Variants in GRWD1 observed in about 807,000 individuals in gnomAD.
GRWD1 encodes the protein glutamate rich WD repeat containing 1.
A neutral mutation model predicts 45.3 loss-of-function variants in GRWD1; 29 were observed. The observed-to-expected ratio is 0.64, with a 90% confidence interval of 0.48 to 0.87. The LOEUF is 0.87. Among genes scored for constraint, GRWD1 ranks in the 40% least tolerant of loss-of-function variants. The pLI, the probability that GRWD1 is intolerant of heterozygous loss-of-function variation, is 0.00. For synonymous variants in GRWD1, 262 were observed against 257.6 expected (o/e 1.02, Z -0.16); for missense variants, 592 against 618.8 (o/e 0.96, Z 0.46).
chr19:48,450,465 C>T lies in GRWD1; in HGVS notation c.621C>T (p.Ile207=). The part of the protein sequence containing the change: ...LRDEQAQMKP[I]FSFAGHMGEG... ...ATGAGCAGGCCCAAATGAAGCCCAT[C>T]TTCTCCTTCGCTGGACACATGGGCG... Residue 207 remains isoleucine (I), a synonymous_variant, in exon 4 of 7, where the codon ATC becomes ATT. Coordinates refer to ENST00000253237, the MANE Select transcript of GRWD1 (RefSeq NM_031485.4). The surrounding 1 kb of genome is among the most constrained non-coding windows in gnomAD (Gnocchi z 5.1). 1.9e-6 allele frequency: 3 copies of T among 1,614,200 alleles called. No individual in the cohort carries two copies. Among genetic ancestry groups the T allele is most frequent in the South Asian group, 2.2e-5 (2 of 91,088 alleles).
chr19:48,447,286 G>A (rs1392088583), intron 3 of GRWD1, among the ~76,000 whole-genome samples: 4 of 151,450 alleles, frequency 2.6e-5, no homozygotes, highest in Non-Finnish European at 4.4e-5. Context: ...TTGCTCTGTC[G>A]CTTAGACTGG....
chr19:48,448,672 C>A (rs1293452531), intron 3 of GRWD1, among the ~76,000 whole-genome samples: 1 of 152,124 alleles, frequency 6.6e-6, no homozygotes, highest in Non-Finnish European at 1.5e-5. Flanking sequence ...GGGCAGTGAA[C>A]CCTGTAAAAG....
Position 48,450,346 on chromosome 19 carries a change from G to A in GRWD1, c.502G>A (p.Val168Met), listed in dbSNP as rs148152481. ...GCTGGGTGAAGAGCCTGTGGCTGGG[G>A]TGTGGTCAGAGAAGGGCCAGGTGGA... The part of the protein sequence containing the change: ...SWLGEEPVAG[V>M]WSEKGQVEVF... Residue 168 changes from valine to methionine, a missense_variant, in exon 4 of 7, where the codon GTG becomes ATG. Coordinates refer to ENST00000253237, the MANE Select transcript of GRWD1 (RefSeq NM_031485.4). This position sits in a 1 kb window ranked among gnomAD's most constrained non-coding sequence, Gnocchi z 5.1. 4.3e-6 allele frequency: 7 copies of A among 1,612,816 alleles called. No individual in the cohort carries two copies. The highest frequency in any genetic ancestry group is 1.3e-5 in the African/African-American group (1 of 75,014).
chr19:48,453,130 T>G lies in GRWD1; in HGVS notation c.*105T>G. The stretch of plus-strand genomic sequence containing the variant: ...GTCTGTTGACTGAGACTGGCCGGCC[T>G]GTGGGCTGCCGTGATGGATTCTGTT... On this transcript the variant is annotated 3_prime_UTR_variant, in exon 7 of 7. Coordinates refer to ENST00000253237, the MANE Select transcript of GRWD1 (RefSeq NM_031485.4). The G allele has an allele frequency of 3.1e-6, 3 of 980,082 alleles. No individual in the cohort carries two copies. The highest frequency in any genetic ancestry group is 1.6e-5 in the African/African-American group (1 of 61,446). The allele number at this position is 980,082 out of a possible 1,614,324, so 60.7% of individuals were successfully genotyped here. A position where few individuals can be genotyped will look rare whatever the true frequency, so the allele number is the denominator to read the frequency against.
Position 48,452,605 on chromosome 19 carries a change from G to A in GRWD1, c.1024-103G>A, listed in dbSNP as rs1971488148. ...GTGAGGGCTTAAGGGGTGGGGCCCT[G>A]GCTGAACCCTGAGGCTGGAGAAGGG... On this transcript the variant is annotated intron_variant, in intron 6 of 6. Coordinates refer to ENST00000253237, the MANE Select transcript of GRWD1 (RefSeq NM_031485.4). The surrounding 1 kb of genome is among the most constrained non-coding windows in gnomAD (Gnocchi z 5.1). 2.0e-6 allele frequency: 2 copies of A among 1,012,224 alleles called. No individual in the cohort carries two copies. Among genetic ancestry groups the A allele is most frequent in the South Asian group, 3.1e-5 (2 of 63,706 alleles). 62.7% of individuals were successfully genotyped at this position (1,012,224 alleles called of 1,614,324 possible).
At chr19:48,448,204 G>T (rs60575717) in intron 3 of GRWD1, among the ~76,000 whole-genome samples, 2 of 152,050 alleles carry the variant, frequency 1.3e-5, no homozygotes, top group African/African-American at 4.8e-5. Flanking sequence ...GCCCACCTTC[G>T]CCCCCAAAAT....
At position 48,451,024 on chromosome 19, in the gene GRWD1, C is replaced by T; in HGVS notation, c.826-10C>T. On this transcript the variant is annotated splice_polypyrimidine_tract_variant and intron_variant, in intron 5 of 6. Transcript: ENST00000253237. ...GGGCATTGGGACCACTCAGACTCCG[C>T]CTCCCCCAGGTGTTTGCCTCCTGCT... 6.2e-7 allele frequency: 1 copy of T among 1,610,048 alleles called. No individual in the cohort carries two copies. The highest frequency in any genetic ancestry group is 8.5e-7 in the Non-Finnish European group (1 of 1,177,768).
In GRWD1 at chr19:48,450,463, A is replaced by G; in HGVS notation, c.619A>G (p.Ile207Val). 6.2e-7 allele frequency: 1 copy of G among 1,614,142 alleles called. No individual in the cohort carries two copies. The change falls in exon 4 of 7, where the codon ATC becomes GTC. Residue 207 changes from isoleucine to valine, a missense_variant. Coordinates refer to ENST00000253237, the MANE Select transcript of GRWD1 (RefSeq NM_031485.4). This position sits in a 1 kb window ranked among gnomAD's most constrained non-coding sequence, Gnocchi z 5.1. ...GGATGAGCAGGCCCAAATGAAGCCC[A>G]TCTTCTCCTTCGCTGGACACATGGG... ...LRDEQAQMKPIFSFAGHMGEG... is the reference protein window; with the variant it reads ...LRDEQAQMKPVFSFAGHMGEG...
Position 48,452,694 on chromosome 19 carries a change from T to C in GRWD1, c.1024-14T>C. 1 of 1,546,506 alleles carries C rather than the reference T, an allele frequency of 6.5e-7. No individual in the cohort carries two copies. Among genetic ancestry groups the C allele is most frequent in the Non-Finnish European group, 8.8e-7 (1 of 1,139,722 alleles). ...AGGCATTCAGAGCCCGTTCCTCCCA[T>C]CCTCTCCCTCTAGTCTGGTTCCCCA... On this transcript the variant is annotated splice_polypyrimidine_tract_variant and intron_variant, in intron 6 of 6. Transcript: ENST00000253237. This position sits in a 1 kb window ranked among gnomAD's most constrained non-coding sequence, Gnocchi z 5.1.
At position 48,446,421 on chromosome 19, in the gene GRWD1, A is replaced by G. The variant is rs138505126; in HGVS notation, c.224A>G (p.His75Arg). Reference protein sequence around the residue: ...PCLSFDIVRDHLGDNRTELPL... With the variant: ...PCLSFDIVRDRLGDNRTELPL... ...CTCAGCTTTGACATAGTCCGGGATC[A>G]CCTGGGAGACAACCGGACAGAGCTT... The change falls in exon 2 of 7, where the codon CAC becomes CGC. Residue 75 changes from histidine to arginine, a missense_variant. Physicochemically the swap from His to Arg is conservative, Grantham distance 29. Transcript: ENST00000253237. The G allele has an allele frequency of 1.1e-3, 1,833 of 1,614,156 alleles. 1 individual carries two copies. The highest frequency in any genetic ancestry group is 1.4e-3 in the Non-Finnish European group (1,664 of 1,180,022).
At position 48,446,577 on chromosome 19, in the gene GRWD1, T is replaced by G. The variant is rs1601001647; in HGVS notation, c.305+75T>G. The stretch of plus-strand genomic sequence containing the variant: ...TCCTCAGCACCCAGGAGTTAGGGCT[T>G]CCAGTTTCTGCCTCTCGCAGATCCA... On this transcript the variant is annotated intron_variant, in intron 2 of 6. Transcript: ENST00000253237. 3.2e-6 allele frequency: 5 copies of G among 1,576,006 alleles called. No individual in the cohort carries two copies. The East Asian group carries it at 1.1e-4, about 36-fold the overall frequency.
chr19:48,452,845 G>A lies in GRWD1; in HGVS notation c.1161G>A (p.Arg387=). The A allele has an allele frequency of 6.2e-7, 1 of 1,613,562 alleles. No individual in the cohort carries two copies. The highest frequency in any genetic ancestry group is 8.5e-7 in the Non-Finnish European group (1 of 1,179,866). The change falls in exon 7 of 7, where the codon CGG becomes CGA. Residue 387 remains arginine (R), a synonymous_variant. Coordinates refer to ENST00000253237, the MANE Select transcript of GRWD1 (RefSeq NM_031485.4). The surrounding 1 kb of genome is among the most constrained non-coding windows in gnomAD (Gnocchi z 5.1). ...CACAGTGGGACCTGGCAGTGGAGCG[G>A]GACCCTGAGGCGGGCGACGTGGAGG... ...QITQWDLAVE[R]DPEAGDVEAD...
In GRWD1 at chr19:48,446,869, C is replaced by G. The variant is rs73942276; in HGVS notation, c.468+26C>G. On this transcript the variant is annotated intron_variant, in intron 3 of 6. Transcript: ENST00000253237. ...GTAAGTATGGTCCCAGGAGCCTGCTCTGCATACTCTGAAACACATCTGACC... is the reference window on the plus strand; with the variant it reads ...GTAAGTATGGTCCCAGGAGCCTGCTGTGCATACTCTGAAACACATCTGACC... 1.4e-3 allele frequency: 2,279 copies of G among 1,602,174 alleles called. 27 individuals carry two copies. The African/African-American group carries it at 0.026, about 19-fold the overall frequency.
At position 48,446,392 on chromosome 19, in the gene GRWD1, C is replaced by T; in HGVS notation, c.195C>T (p.Pro65=). Reference sequence around the variant, plus strand: ...CCCGCCTTCCATCCCCAGGCGCCCCCTGTCTCAGCTTTGACATAGTCCGGG... The same window carrying T: ...CCCGCCTTCCATCCCCAGGCGCCCCTTGTCTCAGCTTTGACATAGTCCGGG... ...VLYHRAQTGA[P]CLSFDIVRDH... is the part of the protein sequence containing the mutation. Residue 65 remains proline, a synonymous_variant, in exon 2 of 7, where the codon CCC becomes CCT. Coordinates refer to ENST00000253237, the MANE Select transcript of GRWD1 (RefSeq NM_031485.4). 1 of 1,613,394 alleles carries T rather than the reference C, an allele frequency of 6.2e-7. No individual in the cohort carries two copies. The highest frequency in any genetic ancestry group is 1.7e-4 in the Middle Eastern group (1 of 6,060).
intron 1 of GRWD1, 36 bp from the exon 2 acceptor site, chr19:48,446,349 C>A: frequency 6.3e-7 from 1 of 1,597,152 alleles, no homozygotes; most frequent in South Asian, 1.1e-5. Flanking sequence ...TCTTACTGTC[C>A]CGTCTTAACT....
Position 48,452,932 on chromosome 19 carries a change from G to C in GRWD1, c.1248G>C (p.Glu416Asp), listed in dbSNP as rs1243090326. ...QLLFVHQGET[E>D]LKELHWHPQC... is the part of the protein sequence containing the mutation. ...TGTTCGTGCACCAGGGCGAGACCGA[G>C]CTGAAGGAGCTGCACTGGCACCCGC... The change falls in exon 7 of 7, where the codon GAG becomes GAC. Residue 416 changes from glutamate (E) to aspartate (D), a missense_variant. Glu to Asp is a conservative substitution (Grantham distance 45). Transcript: ENST00000253237. This position sits in a 1 kb window ranked among gnomAD's most constrained non-coding sequence, Gnocchi z 5.1. The C allele has an allele frequency of 6.2e-7, 1 of 1,611,940 alleles. No individual in the cohort carries two copies. The highest frequency in any genetic ancestry group is 8.5e-7 in the Non-Finnish European group (1 of 1,179,848).
At position 48,456,571 on chromosome 19, in the gene GRWD1, T is replaced by C. The variant is rs1310677463; in HGVS notation, c.*3546T>C. 1 of 152,220 alleles carries C rather than the reference T, an allele frequency of 6.6e-6. No individual in the cohort carries two copies. Among genetic ancestry groups the C allele is most frequent in the African/African-American group, 2.4e-5 (1 of 41,460 alleles). 9.4% of individuals were successfully genotyped at this position (152,220 alleles called of 1,614,324 possible). A position where few individuals can be genotyped will look rare whatever the true frequency, so the allele number is the denominator to read the frequency against. On this transcript the variant is annotated 3_prime_UTR_variant, in exon 7 of 7. Transcript: ENST00000253237. The stretch of plus-strand genomic sequence containing the variant: ...ACCCAGTTGGTGCCAAACTTGACAT[T>C]GTCTCATGGTCTTCTTTCCAAATGG...
Position 48,453,268 on chromosome 19 carries a change from T to A in GRWD1, c.*243T>A. 6.6e-6 allele frequency: 3 copies of A among 453,414 alleles called. No homozygotes were observed. Among genetic ancestry groups the A allele is most frequent in the Non-Finnish European group, 1.2e-5 (3 of 254,466 alleles). 28.1% of individuals were successfully genotyped at this position (453,414 alleles called of 1,614,324 possible). A position where few individuals can be genotyped will look rare whatever the true frequency, so the allele number is the denominator to read the frequency against. ...CTCCCACCCAGAGACTTGTGTGGCC[T>A]GGTGTGGCCTGTGTGTCGGATTCCT... On this transcript the variant is annotated 3_prime_UTR_variant, in exon 7 of 7. Coordinates refer to ENST00000253237, the MANE Select transcript of GRWD1 (RefSeq NM_031485.4).
intron 1 of GRWD1, 54 bp from the exon 2 acceptor site, chr19:48,446,331 G>A: frequency 1.3e-6 from 2 of 1,575,734 alleles, no homozygotes; most frequent in Non-Finnish European, 1.7e-6. Context: ...GGGAGGTGGG[G>A]ACTGAGCTCT....
Sources: gnomAD v4.1 joint callset for allele counts (sites outside exome capture counted in the v4.1 genomes callset) on GRCh38, gnomAD v4.1.1 for gene constraint, Gnocchi (gnomAD v3.1) non-coding constraint, MANE v1.5 for transcripts, NCBI Gene and HGNC (gene_info 2026-07-23, HGNC 2026-07-21) for gene names.